UTRN: variants seen among roughly 807,000 people sequenced by gnomAD.
UTRN encodes dystrophin-related protein 1.
UTRN carries 283 observed loss-of-function variants against 463.9 expected under a neutral mutation model. That is an observed-to-expected ratio of 0.61 (90% CI 0.55 to 0.67). The LOEUF is 0.67. Ranked by LOEUF, UTRN falls within the 30% of genes least tolerant of loss-of-function variation. The pLI, the probability that UTRN is intolerant of heterozygous loss-of-function variation, is 0.00. For synonymous variants in UTRN, 1,442 were observed against 1,431.5 expected (o/e 1.01, Z -0.17); for missense variants, 3,922 against 4,084.3 (o/e 0.96, Z 1.08).
At position 144,748,515 on chromosome 6, in the gene UTRN, G is replaced by C. The variant is rs148201903; in HGVS notation, c.8208+1G>C. Reference sequence around the variant, plus strand: ...GCAGGATCACATTGAAAAAATCATGGTCAGCATCATTGTCTTTGAAGGATT... The same window carrying C: ...GCAGGATCACATTGAAAAAATCATGCTCAGCATCATTGTCTTTGAAGGATT... On this transcript the variant is annotated splice_donor_variant, in intron 55 of 74. Transcript: ENST00000367545. LOFTEE classifies it high-confidence loss of function. The C allele has an allele frequency of 6.2e-7, 1 of 1,611,252 alleles. No individual in the cohort carries two copies. The highest frequency in any genetic ancestry group is 8.5e-7 in the Non-Finnish European group (1 of 1,179,074).
At chr6:144,395,811 G>A (rs1023519401) in intron 2 of UTRN, among the ~76,000 whole-genome samples, 1 of 152,076 alleles carries the variant, frequency 6.6e-6, no homozygotes, top group African/African-American at 2.4e-5. Context: ...GTTTTGTTAG[G>A]TAGTTTCTGT....
chr6:144,325,476 C>T (rs1775920269), intron 2 of UTRN, among the ~76,000 whole-genome samples: 1 of 152,210 alleles, frequency 6.6e-6, no homozygotes, highest in South Asian at 2.1e-4. Flanking sequence ...TTCCCATCCT[C>T]CAGATCCTTG....
intron 2 of UTRN, among the ~76,000 whole-genome samples, chr6:144,337,160 CACAG>C (rs1293645732): frequency 2.0e-5 from 3 of 147,834 alleles, no homozygotes; most frequent in African/African-American, 7.7e-5. Flanking sequence ...GACACACACA[CACAG>C]ACACACACAC....
At chr6:144,469,102 C>T (rs1790243098) in intron 23 of UTRN, among the ~76,000 whole-genome samples, 1 of 152,122 alleles carries the variant, frequency 6.6e-6, no homozygotes, top group African/African-American at 2.4e-5. Flanking sequence ...TGTATTTGGC[C>T]AGGTCTAGCC....
intron 52 of UTRN, among the ~76,000 whole-genome samples, chr6:144,693,388 T>G (rs906951891): frequency 6.6e-6 from 1 of 152,182 alleles, no homozygotes; most frequent in Non-Finnish European, 1.5e-5. Context: ...TTTTTTGGTT[T>G]CATATGAATT....
At chr6:144,623,825 G>A (rs1775680775) in intron 51 of UTRN, among the ~76,000 whole-genome samples, 1 of 152,136 alleles carries the variant, frequency 6.6e-6, no homozygotes, top group African/African-American at 2.4e-5. Context: ...GTAGGGGACT[G>A]AAAGACAGGA....
intron 2 of UTRN, among the ~76,000 whole-genome samples, chr6:144,331,988 A>T (rs1185076964): frequency 6.6e-6 from 1 of 152,322 alleles, no homozygotes; most frequent in East Asian, 1.9e-4. Context: ...CCATCCAGCC[A>T]CACTGGTCAG....
chr6:144,371,296 A>T (rs113371292), intron 2 of UTRN, among the ~76,000 whole-genome samples: 2 of 152,274 alleles, frequency 1.3e-5, no homozygotes, highest in Admixed American at 1.3e-4. Flanking sequence ...TTTCCATGCC[A>T]GTATTAGTAG....
At chr6:144,312,968 A>G (rs1775034198) in intron 2 of UTRN, among the ~76,000 whole-genome samples, 2 of 152,232 alleles carry the variant, frequency 1.3e-5, no homozygotes, top group South Asian at 4.1e-4. Context: ...CTCAAATAAA[A>G]TCAGAGTTTA....
rs748843483 is a variant in UTRN at position 144,426,255 on chromosome 6, A to G, written c.406-32A>G. 3.6e-5 allele frequency: 57 copies of G among 1,579,726 alleles called. 1 individual carries two copies. In the South Asian group the frequency reaches 6.1e-4, roughly 17 times the overall value. On this transcript the variant is annotated intron_variant, in intron 6 of 74. Transcript: ENST00000367545. ...AGTTGAAGTAAATTACTGAAGTATT[A>G]GTTATGGACAGGCCTGGTTTCTCTT... is the stretch of plus-strand genomic sequence containing the variant.
At chr6:144,490,266 G>T in intron 31 of UTRN, 67 bp downstream of exon 31, 6 of 1,554,802 alleles carry the variant, frequency 3.9e-6, no homozygotes, top group Non-Finnish European at 4.3e-6. Flanking sequence ...AAAAGAGAAA[G>T]AATTGATTAC....
chr6:144,822,476 T>C (rs112273141), intron 66 of UTRN, among the ~76,000 whole-genome samples: 2,392 of 152,254 alleles, frequency 0.016, 66 homozygotes, highest in African/African-American at 0.055. Flanking sequence ...TCAAACTGTG[T>C]ACACTTAAGA....
intron 13 of UTRN, 102 bp downstream of exon 13, chr6:144,440,573 A>C: frequency 6.6e-7 from 1 of 1,518,392 alleles, no homozygotes. Context: ...CTTTATCCAG[A>C]AGGGTAGAAA....
At chr6:144,389,829 C>T (rs993407743) in intron 2 of UTRN, among the ~76,000 whole-genome samples, 1 of 152,172 alleles carries the variant, frequency 6.6e-6, no homozygotes, top group Non-Finnish European at 1.5e-5. Flanking sequence ...GAACTCCTGA[C>T]CTCAGATGAT....
intron 55 of UTRN, among the ~76,000 whole-genome samples, chr6:144,750,399 C>T (rs377709850): frequency 7.9e-5 from 12 of 152,236 alleles, no homozygotes; most frequent in African/African-American, 2.2e-4. Flanking sequence ...TGTATGCATC[C>T]CTTCCTCTAC....
Position 144,348,305 on chromosome 6 carries a change from C to T in UTRN, c.80-54818C>T, listed in dbSNP as rs1010703708. 7.2e-5 allele frequency among the ~76,000 whole-genome samples: 11 copies of T among 152,228 alleles called. No individual in the cohort carries two copies. The East Asian group carries it at 7.7e-4, about 11-fold the overall frequency. Reference sequence around the variant, plus strand: ...AATGAAGGTGATTTGATTCTTCCCCCGTGGAGGTTAGGACCTGGAAAGGAT... The same window carrying T: ...AATGAAGGTGATTTGATTCTTCCCCTGTGGAGGTTAGGACCTGGAAAGGAT... On this transcript the variant is annotated intron_variant, in intron 2 of 74. Transcript: ENST00000367545.
intron 18 of UTRN, among the ~76,000 whole-genome samples, chr6:144,452,453 T>C (rs1407535659): frequency 1.3e-5 from 2 of 152,140 alleles, no homozygotes; most frequent in East Asian, 3.9e-4. Flanking sequence ...ATGAATAATA[T>C]ATAAATATCA....
At position 144,827,383 on chromosome 6, in the gene UTRN, A is replaced by G. The variant is rs777498799; in HGVS notation, c.9530A>G (p.Tyr3177Cys). ...ITLISMWPEH[Y>C]DPSQSPQLFH... Reference sequence around the variant, plus strand: ...CTCATCAGTATGTGGCCAGAGCACTATGAGTGAGTATTCATAGCCCACGTG... The same window carrying G: ...CTCATCAGTATGTGGCCAGAGCACTGTGAGTGAGTATTCATAGCCCACGTG... The change falls in exon 67 of 75, where the codon TAT (tyrosine) becomes TGT (cysteine). Residue 3177 changes from tyrosine (Y) to cysteine (C), a missense_variant. Physicochemically the swap from Tyr to Cys is radical, Grantham distance 194. Coordinates refer to ENST00000367545, the MANE Select transcript of UTRN (RefSeq NM_007124.3). 24 of 1,613,314 alleles carry G rather than the reference A, an allele frequency of 1.5e-5. No individual in the cohort carries two copies. Among genetic ancestry groups the G allele is most frequent in the Non-Finnish European group, 1.7e-5 (20 of 1,179,620 alleles).
At chr6:144,621,182 C>T (rs902728047) in intron 51 of UTRN, among the ~76,000 whole-genome samples, 12 of 152,074 alleles carry the variant, frequency 7.9e-5, no homozygotes, top group Non-Finnish European at 1.5e-4. Context: ...CTTAGAAAAA[C>T]GCCTATTTGT....
Sources: allele counts gnomAD v4.1 joint callset (sites outside exome capture counted in the v4.1 genomes callset), GRCh38; gene constraint gnomAD v4.1.1; transcripts MANE v1.5; gene names NCBI Gene and HGNC (gene_info 2026-07-23, HGNC 2026-07-21).